USP25: variants seen among roughly 807,000 people sequenced by gnomAD.
USP25 encodes the protein ubiquitin specific peptidase 25.
A neutral mutation model predicts 158.5 loss-of-function variants in USP25; 85 were observed. The ratio of observed to expected loss-of-function variants is 0.54; its 90% CI spans 0.45 to 0.64. USP25 has a LOEUF of 0.64. USP25 is among the 30% of genes least tolerant of loss of function. USP25 has a pLI of 0.00. For synonymous variants in USP25, 464 were observed against 460.4 expected (o/e 1.01, Z -0.10); for missense variants, 1,242 against 1,327.3 (o/e 0.94, Z 1.00).
intron 6 of USP25, among the ~76,000 whole-genome samples, chr21:15,801,721 T>A (rs1022610272): frequency 6.6e-6 from 1 of 151,626 alleles, no homozygotes; most frequent in African/African-American, 2.4e-5. Context: ...TTGAACACTT[T>A]GTCTTAAGTT....
At chr21:15,788,707 C>CT (rs1020170123) in intron 4 of USP25, among the ~76,000 whole-genome samples, 17 of 150,732 alleles carry the variant, frequency 1.1e-4, no homozygotes, top group South Asian at 1.0e-3. Flanking sequence ...CACCTACATG[C>CT]TTTTTTTTTG....
intron 21 of USP25, among the ~76,000 whole-genome samples, chr21:15,865,685 A>T (rs1011192784): frequency 6.6e-6 from 1 of 152,182 alleles, no homozygotes; most frequent in Non-Finnish European, 1.5e-5. Flanking sequence ...GAGTAATCAC[A>T]TTGACTTTTC....
intron 1 of USP25, among the ~76,000 whole-genome samples, chr21:15,738,873 G>T (rs1330198936): frequency 6.6e-6 from 1 of 152,162 alleles, no homozygotes; most frequent in Non-Finnish European, 1.5e-5. Context: ...CAGACACTGT[G>T]AAAATCCCGA....
At chr21:15,800,029 C>T (rs536350250) in intron 6 of USP25, among the ~76,000 whole-genome samples, 186 bp downstream of exon 6, 14 of 151,022 alleles carry the variant, frequency 9.3e-5, no homozygotes, top group South Asian at 6.2e-4. Flanking sequence ...CGACTTTTTT[C>T]CTTTACCTGT....
At chr21:15,782,059 T>C (rs772683338) in intron 4 of USP25, among the ~76,000 whole-genome samples, 2 of 152,240 alleles carry the variant, frequency 1.3e-5, no homozygotes, top group Non-Finnish European at 2.9e-5. Context: ...CCTTGGCTAC[T>C]TGGAGCCTAG....
chr21:15,808,545 A>ATT (rs1421420870), intron 7 of USP25, among the ~76,000 whole-genome samples: 1 of 136,966 alleles, frequency 7.3e-6, no homozygotes, highest in African/African-American at 2.8e-5. Flanking sequence ...TTGGTTTTTG[A>ATT]TTGTGTGTGT....
intron 18 of USP25, among the ~76,000 whole-genome samples, chr21:15,842,993 A>G (rs916355382): frequency 7.2e-5 from 11 of 152,122 alleles, no homozygotes; most frequent in Non-Finnish European, 1.5e-4. Context: ...ATTTAAAACT[A>G]CTAGATACTG....
At chr21:15,797,865 A>G (rs2035936840) in intron 5 of USP25, among the ~76,000 whole-genome samples, 1 of 151,314 alleles carries the variant, frequency 6.6e-6, no homozygotes, top group Admixed American at 6.6e-5. Context: ...ACACATTCAT[A>G]TAACTTTTAT....
chr21:15,730,531 C>G (rs1568733524), intron 1 of USP25, 93 bp downstream of exon 1: 3 of 1,251,934 alleles, frequency 2.4e-6, no homozygotes, highest in Non-Finnish European at 3.0e-6. Context: ...TCGCCGCCGC[C>G]GCCTTCCCGG....
At chr21:15,854,184 C>T (rs905220035) in intron 20 of USP25, among the ~76,000 whole-genome samples, 2 of 152,040 alleles carry the variant, frequency 1.3e-5, no homozygotes, top group Admixed American at 6.6e-5. Context: ...CTCACTCTGT[C>T]GCCCAGGCTG....
intron 1 of USP25, among the ~76,000 whole-genome samples, chr21:15,749,997 G>C (rs528565287): frequency 6.6e-6 from 1 of 152,078 alleles, no homozygotes; most frequent in Non-Finnish European, 1.5e-5. Flanking sequence ...GTGGGTCTGG[G>C]TGTTTGGGGA....
At position 15,791,550 on chromosome 21, in the gene USP25, A is replaced by G. The variant is rs1292185363; in HGVS notation, c.441A>G (p.Thr147=). ...AGAATAAAGCATGTTTGAAGAGGAC[A>G]CCTACAGAAGTTTGGAGGGATTCTC... is the stretch of plus-strand genomic sequence containing the variant. ...IAENKACLKR[T]PTEVWRDSRN... The change falls in exon 5 of 26, where the codon ACA becomes ACG. Residue 147 remains threonine (T), a synonymous_variant. Transcript: ENST00000400183. 6.2e-7 allele frequency: 1 copy of G among 1,611,562 alleles called. No homozygotes were observed. The highest frequency in any genetic ancestry group is 8.5e-7 in the Non-Finnish European group (1 of 1,178,360).
At chr21:15,748,454 G>GT (rs71331787) in intron 1 of USP25, among the ~76,000 whole-genome samples, 1,706 of 79,002 alleles carry the variant, frequency 0.022, 116 homozygotes, top group Admixed American at 0.032. Flanking sequence ...CTACTTTTTA[G>GT]TTTTTTTTTT....
intron 1 of USP25, among the ~76,000 whole-genome samples, chr21:15,748,837 C>T (rs570808768): frequency 6.6e-6 from 1 of 152,182 alleles, no homozygotes; most frequent in South Asian, 2.1e-4. Flanking sequence ...CTAAGGAAAT[C>T]GGTATATGTA....
rs73892528 is a variant in USP25, at chr21:15,768,773, C to T, written c.268+2632C>T. On this transcript the variant is annotated intron_variant, in intron 3 of 25. Transcript: ENST00000400183. ...TACATTGTTATTTAAAGGTTGACCA[C>T]AGTTTCACTTAATTCTTTCAAATAT... is the stretch of plus-strand genomic sequence containing the variant. Among the ~76,000 whole-genome samples, 656 of 152,216 alleles carry T rather than the reference C, an allele frequency of 4.3e-3. 2 individuals are homozygous for T. Among genetic ancestry groups the T allele is most frequent in the African/African-American group, 0.015 (633 of 41,572 alleles).
At chr21:15,806,243 A>G (rs1335068797) in intron 7 of USP25, among the ~76,000 whole-genome samples, 2 of 152,134 alleles carry the variant, frequency 1.3e-5, no homozygotes, top group African/African-American at 2.4e-5. Context: ...ATTCCAAACC[A>G]TCATTTTCGG....
intron 1 of USP25, among the ~76,000 whole-genome samples, chr21:15,747,919 T>G (rs1315494650): frequency 6.6e-6 from 1 of 152,256 alleles, no homozygotes; most frequent in Non-Finnish European, 1.5e-5. Context: ...GATGTCTTTT[T>G]ATTCTCTTTA....
At chr21:15,737,848 T>C (rs1259748586) in intron 1 of USP25, among the ~76,000 whole-genome samples, 1 of 151,952 alleles carries the variant, frequency 6.6e-6, no homozygotes, top group East Asian at 1.9e-4. Context: ...TTTTTTTCCC[T>C]TCAGATTTTG....
chr21:15,849,043 A>C (rs939544092), intron 19 of USP25, among the ~76,000 whole-genome samples: 1 of 152,192 alleles, frequency 6.6e-6, no homozygotes, highest in Non-Finnish European at 1.5e-5. Context: ...GTTCTAGTTA[A>C]CTATTTTATA....
Sources: gnomAD v4.1 joint callset for allele counts (sites outside exome capture counted in the v4.1 genomes callset) on GRCh38, gnomAD v4.1.1 for gene constraint, MANE v1.5 for transcripts, NCBI Gene and HGNC (gene_info 2026-07-23, HGNC 2026-07-21) for gene names.